The following UGT1A10 variants were observed in gnomAD, a reference collection of about 807,000 sequenced individuals.
UGT1A10 encodes the protein UDP glucuronosyltransferase family 1 member A10.
In UGT1A10, 49 loss-of-function variants were observed where a neutral mutation model predicts 45.8. The observed-to-expected ratio is 1.07, with a 90% CI of 0.85 to 1.36. The LOEUF (loss-of-function observed/expected upper bound fraction) is 1.36, where lower values mean the gene tolerates loss of function less well. Ranked by LOEUF, UGT1A10 falls within the 40% of genes most tolerant of loss-of-function variation. The pLI is 0.00. For synonymous variants in UGT1A10, 284 were observed against 249.7 expected (o/e 1.14, Z -1.29); for missense variants, 745 against 668.6 (o/e 1.11, Z -1.26).
At position 233,636,550 on chromosome 2, in the gene UGT1A10, G is replaced by T. The variant is rs749394452; in HGVS notation, c.28G>T (p.Val10Phe). 2 of 1,614,104 alleles carry T rather than the reference G, an allele frequency of 1.2e-6. No individual in the cohort carries two copies. Among genetic ancestry groups the T allele is most frequent in the African/African-American group, 1.3e-5 (1 of 75,048 alleles). MARAGWTSP[V>F]PLCVCLLLTC... ...GGCTCGCGCAGGGTGGACCAGCCCC[G>T]TTCCTTTATGTGTGTGTCTACTGCT... Residue 10 changes from valine (V) to phenylalanine (F), a missense_variant, in exon 1 of 5, where the codon GTT becomes TTT. Physicochemically the swap from Val to Phe is conservative, Grantham distance 50. Transcript: ENST00000344644.
intron 1 of UGT1A10, 61 bp from the exon 2 acceptor site, chr2:233,766,972 CT>C: frequency 6.2e-7 from 1 of 1,611,258 alleles, no homozygotes; most frequent in Non-Finnish European, 8.5e-7. Context: ...TCATAACTTA[CT>C]GTATGTAGTC....
intron 1 of UGT1A10, among the ~76,000 whole-genome samples, chr2:233,737,436 G>T (rs969816672): frequency 6.6e-6 from 1 of 152,186 alleles, no homozygotes; most frequent in African/African-American, 2.4e-5. Flanking sequence ...GGGTGGGAGT[G>T]TCCCGTTTTT....
intron 1 of UGT1A10, among the ~76,000 whole-genome samples, chr2:233,698,411 G>A (rs1011894202): frequency 6.6e-6 from 1 of 152,042 alleles, no homozygotes; most frequent in African/African-American, 2.4e-5. Context: ...TGACTTCATC[G>A]CAATAAATTA....
At chr2:233,672,719 C>T in intron 1 of UGT1A10, 1 of 1,613,880 alleles carries the variant, frequency 6.2e-7, no homozygotes, top group Non-Finnish European at 8.5e-7. Flanking sequence ...TTGGACTATC[C>T]CAAACCCGTG....
intron 1 of UGT1A10, chr2:233,719,286 C>G (rs1465114425): frequency 6.2e-7 from 1 of 1,613,964 alleles, no homozygotes; most frequent in African/African-American, 1.3e-5. Flanking sequence ...CCCCGTTAAC[C>G]TCTGTGGGGC....
chr2:233,697,502 CTT>C (rs1212901051), intron 1 of UGT1A10, among the ~76,000 whole-genome samples: 2 of 142,302 alleles, frequency 1.4e-5, no homozygotes, highest in Non-Finnish European at 3.1e-5. Flanking sequence ...TTTTGTTTAT[CTT>C]TTTTTTTTTT....
At chr2:233,741,868 C>T (rs566953182) in intron 1 of UGT1A10, 3 of 152,000 alleles carry the variant, frequency 2.0e-5, no homozygotes, top group South Asian at 2.1e-4. Flanking sequence ...GCAAACCTTT[C>T]CTCAGAGGTG....
chr2:233,698,160 C>T (rs1351823823), intron 1 of UGT1A10, among the ~76,000 whole-genome samples: 1 of 152,066 alleles, frequency 6.6e-6, no homozygotes, highest in Non-Finnish European at 1.5e-5. Flanking sequence ...GCATGTCGTC[C>T]TAGAGAACAT....
intron 1 of UGT1A10, among the ~76,000 whole-genome samples, chr2:233,694,945 T>C (rs1470769009): frequency 1.3e-5 from 2 of 152,242 alleles, no homozygotes; most frequent in Non-Finnish European, 2.9e-5. Context: ...GTAATTGAGA[T>C]ATCCATCACC....
At chr2:233,693,908 G>T in intron 1 of UGT1A10, 1 of 1,612,956 alleles carries the variant, frequency 6.2e-7, no homozygotes, top group South Asian at 1.1e-5. Context: ...TTTCTTCCAG[G>T]CTCTGTCCTC....
At chr2:233,757,778 T>A (rs1328848691) in intron 1 of UGT1A10, among the ~76,000 whole-genome samples, 1 of 151,774 alleles carries the variant, frequency 6.6e-6, no homozygotes, top group African/African-American at 2.4e-5. Flanking sequence ...AATAAGCCTG[T>A]CATTCTGATT....
intron 1 of UGT1A10, among the ~76,000 whole-genome samples, chr2:233,660,279 A>G (rs990209652): frequency 5.9e-5 from 9 of 152,164 alleles, no homozygotes; most frequent in African/African-American, 1.7e-4. Context: ...TCCTTTCCAT[A>G]GAAAACCATG....
At chr2:233,670,839 G>A (rs1339411716) in intron 1 of UGT1A10, among the ~76,000 whole-genome samples, 3 of 152,134 alleles carry the variant, frequency 2.0e-5, no homozygotes, top group Non-Finnish European at 4.4e-5. Flanking sequence ...TCTCTTACTG[G>A]CAAGATATTA....
At chr2:233,711,571 A>G (rs1167156612) in intron 1 of UGT1A10, among the ~76,000 whole-genome samples, 2 of 152,222 alleles carry the variant, frequency 1.3e-5, no homozygotes, top group African/African-American at 4.8e-5. Flanking sequence ...AAGCCCTTGC[A>G]GGCCTGCCTT....
In UGT1A10 at chr2:233,743,533, T is replaced by C. The variant is rs755870649; in HGVS notation, c.856-23501T>C. 6.6e-6 allele frequency: 9 copies of C among 1,367,096 alleles called. No individual in the cohort carries two copies. The African/African-American group carries it at 1.0e-4, about 16-fold the overall frequency. The allele number at this position is 1,367,096 out of a possible 1,614,324, so 84.7% of individuals were successfully genotyped here. ...CGCTCTGCTTCTGCTTCCCCAGCAG[T>C]TCCTCTGACCCCCCCAAAATATTCT... On this transcript the variant is annotated intron_variant, in intron 1 of 4. Coordinates refer to ENST00000344644, the MANE Select transcript of UGT1A10 (RefSeq NM_019075.4).
At chr2:233,766,980 A>G (rs1699299686) in intron 1 of UGT1A10, 54 bp from the exon 2 acceptor site, 14 of 1,612,720 alleles carry the variant, frequency 8.7e-6, no homozygotes, top group Non-Finnish European at 1.1e-5. Flanking sequence ...TACTGTATGT[A>G]GTCATCAAAG....
At chr2:233,675,244 G>A (rs2074315167) in intron 1 of UGT1A10, among the ~76,000 whole-genome samples, 1 of 152,136 alleles carries the variant, frequency 6.6e-6, no homozygotes, top group Non-Finnish European at 1.5e-5. Flanking sequence ...ATTTGGAGGG[G>A]ACAAACTTCT....
intron 1 of UGT1A10, chr2:233,682,818 T>G: frequency 6.3e-7 from 1 of 1,581,160 alleles, no homozygotes; most frequent in Middle Eastern, 1.7e-4. Context: ...TTTAGCACAT[T>G]AAGAATAATC....
At chr2:233,646,581 C>T (rs1264039607) in intron 1 of UGT1A10, among the ~76,000 whole-genome samples, 1 of 152,166 alleles carries the variant, frequency 6.6e-6, no homozygotes, top group Admixed American at 6.5e-5. Flanking sequence ...GTTCAAAGTT[C>T]CACAAATCAC....
Sources: gnomAD v4.1 joint callset for allele counts (sites outside exome capture counted in the v4.1 genomes callset) on GRCh38, gnomAD v4.1.1 for gene constraint, MANE v1.5 for transcripts, NCBI Gene and HGNC (gene_info 2026-07-23, HGNC 2026-07-21) for gene names.